The following CHST10 variants were observed in gnomAD, a reference collection of about 807,000 sequenced individuals.
CHST10 encodes the protein HNK-1 sulfotransferase.
A neutral mutation model predicts 34.7 loss-of-function variants in CHST10; 24 were observed. The ratio of observed to expected loss-of-function variants is 0.69; its 90% confidence interval spans 0.50 to 0.97. The LOEUF (loss-of-function observed/expected upper bound fraction) is 0.97, where lower values mean the gene tolerates loss of function less well. Among genes scored for constraint, CHST10 ranks in the 50% least tolerant of loss-of-function variants. The probability of loss-of-function intolerance (pLI) is 0.00; values close to 1 mark genes in which losing one functional copy is unlikely to be tolerated. For missense variants in CHST10, 402 were observed against 452.1 expected (o/e 0.89, Z 1.00); for synonymous variants, 161 against 169.3 (o/e 0.95, Z 0.38).
intron 1 of CHST10, chr2:100,417,079 A>G (rs1423747165): frequency 7.7e-7 from 1 of 1,301,396 alleles, no homozygotes; most frequent in African/African-American, 1.5e-5. Context: ...ATCTACAATT[A>G]CAAACGCAAA....
intron 2 of CHST10, 26 bp from the exon 3 acceptor site, chr2:100,406,733 T>C (rs1675596564): frequency 1.2e-6 from 2 of 1,607,330 alleles, no homozygotes; most frequent in East Asian, 2.2e-5. Flanking sequence ...GAGATGCCCC[T>C]GCTGCTTACA....
chr2:100,392,242 T>C lies in CHST10; in HGVS notation c.*1003A>G, dbSNP rs974426566. The C allele has an allele frequency of 2.6e-5, 4 of 152,684 alleles. No homozygotes were observed. The highest frequency in any genetic ancestry group is 7.2e-5 in the African/African-American group (3 of 41,440). The allele number at this position is 152,684 out of a possible 1,614,324, so 9.5% of individuals were successfully genotyped here. A position where few individuals can be genotyped will look rare whatever the true frequency, so the allele number is the denominator to read the frequency against. ...TCTGGCAGTGCCCATTTTGCTGAGATGAAAGGAATCGAAATGTATAAACTA... is the reference window on the plus strand; with the variant it reads ...TCTGGCAGTGCCCATTTTGCTGAGACGAAAGGAATCGAAATGTATAAACTA... On this transcript the variant is annotated 3_prime_UTR_variant, in exon 7 of 7. Transcript: ENST00000264249.
chr2:100,393,448 C>T lies in CHST10; in HGVS notation c.868G>A (p.Ala290Thr). The change falls in exon 7 of 7, where the codon GCC becomes ACC. Residue 290 changes from alanine to threonine, a missense_variant. Physicochemically the swap from Ala to Thr is moderately conservative, Grantham distance 58. Transcript: ENST00000264249. Reference sequence around the variant, plus strand: ...CCAGCCTCTTTTAAGATGTATGGGGCATCGTCCTCCAGGGTCTCGTGGTGT... The same window carrying T: ...CCAGCCTCTTTTAAGATGTATGGGGTATCGTCCTCCAGGGTCTCGTGGTGT... ...IGHHETLEDDAPYILKEAGID... is the reference protein window; with the variant it reads ...IGHHETLEDDTPYILKEAGID... 1.2e-6 allele frequency: 2 copies of T among 1,614,160 alleles called. No individual in the cohort carries two copies. The highest frequency in any genetic ancestry group is 1.7e-6 in the Non-Finnish European group (2 of 1,180,038).
At chr2:100,395,702 GC>G (rs1169125454) in intron 5 of CHST10, 88 bp from the exon 6 acceptor site, 10 of 1,024,720 alleles carry the variant, frequency 9.8e-6, no homozygotes, top group African/African-American at 6.3e-5. Context: ...TTTACCTTGG[GC>G]CTCATGTTCC....
chr2:100,408,815 G>C (rs1675692994), intron 2 of CHST10, among the ~76,000 whole-genome samples: 1 of 151,742 alleles, frequency 6.6e-6, no homozygotes, highest in South Asian at 2.1e-4. Flanking sequence ...GTGCACTCAG[G>C]GGGGTCCATC....
chr2:100,413,894 C>G (rs1274117764), intron 2 of CHST10, among the ~76,000 whole-genome samples: 2 of 152,148 alleles, frequency 1.3e-5, no homozygotes, highest in African/African-American at 2.4e-5. Flanking sequence ...CAGGCTTTTT[C>G]CAGACATTTT....
At chr2:100,407,929 G>A (rs1258149079) in intron 2 of CHST10, 1 of 152,038 alleles carries the variant, frequency 6.6e-6, no homozygotes. Flanking sequence ...CATCCCCCAA[G>A]TTAAGATTGA....
chr2:100,413,130 G>T (rs1675917157), intron 2 of CHST10, among the ~76,000 whole-genome samples: 1 of 152,082 alleles, frequency 6.6e-6, no homozygotes, highest in African/African-American at 2.4e-5. Flanking sequence ...CTTTCCTCAG[G>T]GCTCTGCCAA....
intron 5 of CHST10, 95 bp from the exon 6 acceptor site, chr2:100,395,709 G>T: frequency 1.1e-6 from 1 of 920,828 alleles, no homozygotes; most frequent in Non-Finnish European, 1.7e-6. Flanking sequence ...TGGGCCTCAT[G>T]TTCCCCACGT....
At chr2:100,397,187 A>C (rs4149518) in intron 5 of CHST10, among the ~76,000 whole-genome samples, 1 of 152,084 alleles carries the variant, frequency 6.6e-6, no homozygotes, top group Non-Finnish European at 1.5e-5. Flanking sequence ...GCTAAATTTC[A>C]TAAGCAGAGC....
chr2:100,402,363 T>A (rs1313539619), intron 4 of CHST10, among the ~76,000 whole-genome samples: 1 of 152,210 alleles, frequency 6.6e-6, no homozygotes, highest in African/African-American at 2.4e-5. Context: ...CACAGAGCTC[T>A]GTGAGGGGCA....
At position 100,393,208 on chromosome 2, in the gene CHST10, G is replaced by C; in HGVS notation, c.*37C>G. ...CAGATCTTCACCTGGTTAGCCCCAG[G>C]TCTAATAAAGATATTTGAATTCATA... is the stretch of plus-strand genomic sequence containing the variant. On this transcript the variant is annotated 3_prime_UTR_variant, in exon 7 of 7. Coordinates refer to ENST00000264249, the MANE Select transcript of CHST10 (RefSeq NM_004854.5). 1 of 1,599,080 alleles carries C rather than the reference G, an allele frequency of 6.3e-7. No individual in the cohort carries two copies. Among genetic ancestry groups the C allele is most frequent in the South Asian group, 1.1e-5 (1 of 89,234 alleles).
At chr2:100,409,714 C>A (rs1354602903) in intron 2 of CHST10, among the ~76,000 whole-genome samples, 1 of 152,140 alleles carries the variant, frequency 6.6e-6, no homozygotes, top group Non-Finnish European at 1.5e-5. Flanking sequence ...TCCACAGGAA[C>A]AAACAGCTAC....
rs763862335 is a variant in CHST10 at position 100,393,315 on chromosome 2, C to T, written c.1001G>A (p.Arg334His). The stretch of plus-strand genomic sequence containing the variant: ...GTCCCCTTCGAAACGGGCATACAGG[C>T]GTCGGATGTCTCGTTTGCTGATGCC... ...FLGISKRDIR[R>H]LYARFEGDFK... Residue 334 changes from arginine to histidine, a missense_variant, in exon 7 of 7, where the codon CGC (arginine) becomes CAC (histidine). Arg to His is a conservative substitution (Grantham distance 29). Coordinates refer to ENST00000264249, the MANE Select transcript of CHST10 (RefSeq NM_004854.5). 14 of 1,614,038 alleles carry T rather than the reference C, an allele frequency of 8.7e-6. No individual in the cohort carries two copies. Among genetic ancestry groups the T allele is most frequent in the East Asian group, 4.5e-5 (2 of 44,900 alleles).
At chr2:100,395,680 C>A in intron 5 of CHST10, 66 bp from the exon 6 acceptor site, 4 of 1,257,270 alleles carry the variant, frequency 3.2e-6, no homozygotes, top group Non-Finnish European at 4.6e-6. Flanking sequence ...AAGGGCATGT[C>A]CTTACCTCAT....
intron 4 of CHST10, among the ~76,000 whole-genome samples, chr2:100,400,267 TCTTGTTCTGTCA>T (rs2104338712): frequency 6.6e-6 from 1 of 152,316 alleles, no homozygotes; most frequent in South Asian, 2.1e-4. Context: ...AGAGACGAGG[TCTTGTTCTGTCA>T]CCCAGGCTGG....
At chr2:100,417,184 G>C (rs796431702) in intron 1 of CHST10, 190 bp downstream of exon 1, 3 of 622,970 alleles carry the variant, frequency 4.8e-6, no homozygotes, top group South Asian at 4.7e-5. Flanking sequence ...CCTTCTTATT[G>C]CATAATTAAC....
At position 100,392,584 on chromosome 2, in the gene CHST10, C is replaced by T. The variant is rs1228214485; in HGVS notation, c.*661G>A. On this transcript the variant is annotated 3_prime_UTR_variant, in exon 7 of 7. Transcript: ENST00000264249. ...GCAGACACAGGTTCAGAAGCATGGA[C>T]CAGCATTACACAGGCATGGATTCTG... 2.0e-5 allele frequency: 3 copies of T among 153,406 alleles called. No homozygotes were observed. The highest frequency in any genetic ancestry group is 4.4e-5 in the Non-Finnish European group (3 of 68,890). 9.5% of individuals were successfully genotyped at this position (153,406 alleles called of 1,614,324 possible). A position where few individuals can be genotyped will look rare whatever the true frequency, so the allele number is the denominator to read the frequency against.
chr2:100,404,624 G>C (rs62148362), intron 3 of CHST10, among the ~76,000 whole-genome samples: 4 of 152,056 alleles, frequency 2.6e-5, no homozygotes, highest in Non-Finnish European at 5.9e-5. Context: ...AAAACATTCA[G>C]CACAAAACTT....
Sources: allele counts gnomAD v4.1 joint callset (sites outside exome capture counted in the v4.1 genomes callset), GRCh38; gene constraint gnomAD v4.1.1; transcripts MANE v1.5; gene names NCBI Gene and HGNC (gene_info 2026-07-23, HGNC 2026-07-21).